Variants in GDAP1 observed in about 807,000 individuals in gnomAD.
The protein encoded by GDAP1 is ganglioside induced differentiation associated protein 1.
GDAP1 carries 34 observed loss-of-function variants against 40.1 expected under a neutral mutation model. The observed-to-expected ratio is 0.85, with a 90% CI of 0.64 to 1.13. The LOEUF (loss-of-function observed/expected upper bound fraction) is 1.13. Among genes scored for constraint, GDAP1 ranks in the 50% most tolerant of loss-of-function variants. GDAP1 has a pLI of 0.00. For missense variants in GDAP1, 374 were observed against 433.7 expected (o/e 0.86, Z 1.22); for synonymous variants, 170 against 157.4 (o/e 1.08, Z -0.60).
chr8:74,440,745 G>C (rs185138695), intron 2 of GDAP1, among the ~76,000 whole-genome samples: 3 of 152,110 alleles, frequency 2.0e-5, no homozygotes, highest in Admixed American at 2.0e-4. Context: ...ATATGAATTA[G>C]AGTTCAATAA....
intron 2 of GDAP1, among the ~76,000 whole-genome samples, chr8:74,439,705 A>T (rs183385825): frequency 5.3e-5 from 8 of 151,884 alleles, no homozygotes; most frequent in African/African-American, 1.7e-4. Context: ...ATTAATTATG[A>T]AAAATTCTAC....
chr8:74,403,256 A>G (rs1387490907), intron 2 of GDAP1, among the ~76,000 whole-genome samples: 1 of 150,178 alleles, frequency 6.7e-6, no homozygotes, highest in Non-Finnish European at 1.5e-5. Flanking sequence ...GTTTATTAGT[A>G]TTGGAGTCTC....
downstream of GDAP1, among the ~76,000 whole-genome samples, chr8:74,367,773 C>T (rs1239577797): frequency 1.3e-5 from 2 of 152,164 alleles, no homozygotes; most frequent in East Asian, 3.8e-4. Context: ...TTATGTATTA[C>T]ATTATGAAAA....
intron 2 of GDAP1, among the ~76,000 whole-genome samples, chr8:74,420,932 TTATAAG>T (rs1219640442): frequency 6.6e-6 from 1 of 152,074 alleles, no homozygotes; most frequent in East Asian, 1.9e-4. Flanking sequence ...GTCTTTTTTA[TTATAAG>T]TATTTTTCTT....
At chr8:74,411,719 CAA>C (rs34098737) in intron 2 of GDAP1, among the ~76,000 whole-genome samples, 2 of 139,068 alleles carry the variant, frequency 1.4e-5, no homozygotes. Context: ...GTGTCTCTAC[CAA>C]AAAAAAAAAA....
intron 2 of GDAP1, among the ~76,000 whole-genome samples, chr8:74,456,747 C>T (rs1466163568): frequency 1.3e-5 from 2 of 151,940 alleles, no homozygotes; most frequent in Non-Finnish European, 2.9e-5. Flanking sequence ...TTATAAAATA[C>T]TCATGATACT....
chr8:74,471,127 A>T (rs1011664579), intron 2 of GDAP1, among the ~76,000 whole-genome samples: 1 of 151,858 alleles, frequency 6.6e-6, no homozygotes, highest in African/African-American at 2.4e-5. Flanking sequence ...GTTTGAGTTC[A>T]TTGTAGATTC....
chr8:74,358,863 C>T (rs1311140828), intron 2 of GDAP1, among the ~76,000 whole-genome samples: 1 of 152,162 alleles, frequency 6.6e-6, no homozygotes, highest in Non-Finnish European at 1.5e-5. Context: ...GCAATGTAGG[C>T]ACAATCCATG....
In GDAP1 at chr8:74,395,722, A is replaced by G. The variant is rs186115858; in HGVS notation, c.165+44401A>G. On this transcript the variant is annotated intron_variant, in intron 2 of 2. Coordinates refer to the GDAP1 transcript ENST00000523640. ...TGCATCTTCAGTCAAATCTAAATAA[A>G]GCCAACTATTAAAACACCTGTATCT... 2.2e-4 allele frequency among the ~76,000 whole-genome samples: 33 copies of G among 152,316 alleles called. No individual in the cohort carries two copies. In the East Asian group the frequency reaches 5.2e-3, roughly 24 times the overall value.
chr8:74,413,065 C>CAAA (rs71269990), intron 2 of GDAP1, among the ~76,000 whole-genome samples: 30,058 of 56,718 alleles, frequency 0.53, 10,734 homozygotes, highest in East Asian at 0.64. Flanking sequence ...GACTCTGTCT[C>CAAA]AAAAAAAAAA....
At chr8:74,402,334 C>G (rs112690323) in intron 2 of GDAP1, among the ~76,000 whole-genome samples, 17,022 of 150,224 alleles carry the variant, frequency 0.11, 2,489 homozygotes, top group African/African-American at 0.25. Context: ...CAGCGAGACT[C>G]CGTGGGCGTA....
At chr8:74,482,600 A>T (rs1188997691) in intron 2 of GDAP1, among the ~76,000 whole-genome samples, 1 of 152,194 alleles carries the variant, frequency 6.6e-6, no homozygotes, top group Non-Finnish European at 1.5e-5. Flanking sequence ...ATCCAAAAGT[A>T]TCACCTGGAC....
At chr8:74,400,346 T>A (rs1391074412) in intron 2 of GDAP1, among the ~76,000 whole-genome samples, 1 of 149,990 alleles carries the variant, frequency 6.7e-6, no homozygotes, top group Non-Finnish European at 1.5e-5. Flanking sequence ...GATTAAAGTC[T>A]GTTTTATCTG....
At chr8:74,383,356 T>C (rs1180632963) in intron 2 of GDAP1, among the ~76,000 whole-genome samples, 1 of 152,196 alleles carries the variant, frequency 6.6e-6, no homozygotes, top group African/African-American at 2.4e-5. Context: ...TGGCTTTAAA[T>C]TGACCTGGAC....
At chr8:74,422,278 T>C (rs1358133963) in intron 2 of GDAP1, among the ~76,000 whole-genome samples, 1 of 148,946 alleles carries the variant, frequency 6.7e-6, no homozygotes, top group Non-Finnish European at 1.5e-5. Context: ...TTTTCTTTTC[T>C]TTTTTCTTTT....
chr8:74,442,212 CAAT>C (rs760085372), intron 2 of GDAP1, among the ~76,000 whole-genome samples: 61 of 152,194 alleles, frequency 4.0e-4, no homozygotes, highest in Non-Finnish European at 7.2e-4. Context: ...ACATTGGAGA[CAAT>C]ACGGGGAAAT....
intron 2 of GDAP1, among the ~76,000 whole-genome samples, chr8:74,388,474 A>G (rs76190490): frequency 2.6e-5 from 4 of 152,124 alleles, no homozygotes; most frequent in Non-Finnish European, 5.9e-5. Context: ...TTCAGTTTCC[A>G]TGCAGTTGTG....
intron 2 of GDAP1, among the ~76,000 whole-genome samples, chr8:74,467,923 C>T (rs886087877): frequency 3.3e-5 from 5 of 151,964 alleles, no homozygotes; most frequent in Non-Finnish European, 7.4e-5. Flanking sequence ...TTAATTATTT[C>T]ATCTCTTGGA....
chr8:74,416,359 G>A (rs1475818127), intron 2 of GDAP1, among the ~76,000 whole-genome samples: 1 of 150,054 alleles, frequency 6.7e-6, no homozygotes, highest in Non-Finnish European at 1.5e-5. Flanking sequence ...ACAAATCTCT[G>A]CCACCTCTTG....
Sources: gnomAD v4.1 joint callset for allele counts (sites outside exome capture counted in the v4.1 genomes callset) on GRCh38, gnomAD v4.1.1 for gene constraint, MANE v1.5 for transcripts, NCBI Gene and HGNC (gene_info 2026-07-23, HGNC 2026-07-21) for gene names.